TOP1MT: variants seen among roughly 807,000 people sequenced by gnomAD.
TOP1MT encodes the protein DNA topoisomerase I, mitochondrial.
In TOP1MT, 80 loss-of-function variants were observed where a neutral mutation model predicts 73.9. That is an observed-to-expected ratio of 1.08 (90% CI 0.90 to 1.30). The LOEUF (loss-of-function observed/expected upper bound fraction) is 1.30, where lower values mean the gene tolerates loss of function less well. Ranked by LOEUF, TOP1MT falls within the 50% of genes most tolerant of loss-of-function variation. The pLI is 0.00. For synonymous variants in TOP1MT, 338 were observed against 326.4 expected (o/e 1.04, Z -0.38); for missense variants, 815 against 808.0 (o/e 1.01, Z -0.10).
At chr8:143,331,373 G>T in intron 1 of TOP1MT, 34 bp from the exon 2 acceptor site, 1 of 1,573,642 alleles carries the variant, frequency 6.4e-7, no homozygotes. Flanking sequence ...CACTCTCCTG[G>T]GCCAGGCCCT....
At position 143,324,013 on chromosome 8, in the gene TOP1MT, A is replaced by G; in HGVS notation, c.946T>C (p.Tyr316His). Residue 316 changes from tyrosine (Y) to histidine (H), a missense_variant, in exon 7 of 14, where the codon TAT (tyrosine) becomes CAT (histidine). Physicochemically the swap from Tyr to His is moderately conservative, Grantham distance 83 (BLOSUM62 2). Transcript: ENST00000329245. ...AGGCCGCATACCTTATCGATGAAAT[A>G]CAGGGCCACCGCCCGCTGTCTCGTC... ...MKTRQRAVAL[Y>H]FIDKLALRAG... 2 of 1,613,794 alleles carry G rather than the reference A, an allele frequency of 1.2e-6. No individual in the cohort carries two copies. The highest frequency in any genetic ancestry group is 1.1e-5 in the South Asian group (1 of 91,090).
chr8:143,324,102 A>G lies in TOP1MT; in HGVS notation c.857T>C (p.Leu286Pro). ...AWQKFETARR[L>P]RGFVDEIRSQ... ...GCGGATCTCGTCCACAAATCCCCGC[A>G]GGCGTCGAGCTGTTTCAAACTTCTG... Residue 286 changes from leucine (L) to proline (P), a missense_variant, in exon 7 of 14, where the codon CTG becomes CCG. Physicochemically the swap from Leu to Pro is moderately conservative, Grantham distance 98. This residue lies in a region of TOP1MT where 751 missense variants were observed against 725.4 expected (regional missense o/e 1.04). Coordinates refer to ENST00000329245, the MANE Select transcript of TOP1MT (RefSeq NM_052963.3). 6.2e-7 allele frequency: 1 copy of G among 1,613,818 alleles called. No individual in the cohort carries two copies. The highest frequency in any genetic ancestry group is 8.5e-7 in the Non-Finnish European group (1 of 1,180,024).
At chr8:143,309,673 C>A in intron 13 of TOP1MT, 130 bp from the exon 14 acceptor site, 1 of 1,525,692 alleles carries the variant, frequency 6.6e-7, no homozygotes, top group South Asian at 1.2e-5. Context: ...TAGCTGGGAC[C>A]TGCTCCTCTA....
intron 7 of TOP1MT, among the ~76,000 whole-genome samples, chr8:143,321,630 A>ACGCACGCCACACGCACGCACGC (rs1328074677): frequency 2.6e-5 from 1 of 38,152 alleles, no homozygotes; most frequent in Admixed American, 4.6e-4. Context: ...CGCACGCCAC[A>ACGCACGCCACACGCACGCACGC]CACAGGCACG....
In TOP1MT at chr8:143,325,320, C is replaced by T. The variant is rs111874912; in HGVS notation, c.671+26G>A. The T allele has an allele frequency of 2.2e-3, 3,446 of 1,571,156 alleles. 60 individuals carry two copies. The African/African-American group carries it at 0.029, about 13-fold the overall frequency. On this transcript the variant is annotated intron_variant, in intron 5 of 13. Transcript: ENST00000329245. ...ACCCGGGTGGCGGGGGTCCAGTGCC[C>T]GCCTGCTGCCCGCCCGGCCACGCAC...
upstream of TOP1MT, chr8:143,359,732 ACACGGAGGAGT>A (rs1817472451): frequency 1.3e-5 from 2 of 153,034 alleles, no homozygotes; most frequent in Middle Eastern, 3.4e-3. Flanking sequence ...AGGGGGAGGT[ACACGGAGGAGT>A]CGCGGAGAGG....
At chr8:143,334,655 C>A in intron 1 of TOP1MT, 85 bp downstream of exon 1, 8 of 1,554,282 alleles carry the variant, frequency 5.1e-6, no homozygotes, top group Non-Finnish European at 7.0e-6. Context: ...GCAAGGCCGT[C>A]CCACGAGGCC....
At position 143,315,796 on chromosome 8, in the gene TOP1MT, G is replaced by A. The variant is rs762564569; in HGVS notation, c.1484C>T (p.Ala495Val). The change falls in exon 12 of 14, where the codon GCT becomes GTT. Residue 495 changes from alanine to valine, a missense_variant. Physicochemically the swap from Ala to Val is moderately conservative, Grantham distance 64. This residue lies in a region of TOP1MT where 751 missense variants were observed against 725.4 expected (regional missense o/e 1.04). Transcript: ENST00000329245. The stretch of plus-strand genomic sequence containing the variant: ...CCTCCTCAGCTCTGCCCTGGCCTCA[G>A]CCACCTGCTCCTTCTTTGCCTGGAT... ...TKIQAKKEQV[A>V]EARAELRRAR... 2 of 1,613,690 alleles carry A rather than the reference G, an allele frequency of 1.2e-6. No individual in the cohort carries two copies. Among genetic ancestry groups the A allele is most frequent in the African/African-American group, 1.3e-5 (1 of 74,904 alleles).
Position 143,315,808 on chromosome 8 carries a change from T to C in TOP1MT, c.1472A>G (p.Lys491Arg). ...TGCCCTGGCCTCAGCCACCTGCTCC[T>C]TCTTTGCCTGGATCTGCAGGAAAAG... ...QNLQTKIQAK[K>R]EQVAEARAEL... The change falls in exon 12 of 14, where the codon AAG becomes AGG. Residue 491 changes from lysine to arginine, a missense_variant. Lys to Arg is a conservative substitution (Grantham distance 26). Coordinates refer to ENST00000329245, the MANE Select transcript of TOP1MT (RefSeq NM_052963.3). 1 of 1,613,794 alleles carries C rather than the reference T, an allele frequency of 6.2e-7. No individual in the cohort carries two copies. Among genetic ancestry groups the C allele is most frequent in the Non-Finnish European group, 8.5e-7 (1 of 1,180,016 alleles).
In TOP1MT at chr8:143,310,206, T is replaced by C; in HGVS notation, c.1565A>G (p.Lys522Arg). 2 of 1,573,092 alleles carry C rather than the reference T, an allele frequency of 1.3e-6. No individual in the cohort carries two copies. The highest frequency in any genetic ancestry group is 1.7e-6 in the Non-Finnish European group (2 of 1,160,586). Residue 522 changes from lysine (K) to arginine (R), a missense_variant, in exon 13 of 14, where the codon AAG becomes AGG. Transcript: ENST00000329245. ...CAGCTTCTCCAGGAGCCGCCTCTTC[T>C]TCTCCAGGACACTGGCAAGAGAAGA... The part of the protein sequence containing the change: ...GDGKSRSVLE[K>R]KRRLLEKLQE...
intron 10 of TOP1MT, 62 bp from the exon 11 acceptor site, chr8:143,316,188 T>C: frequency 1.9e-6 from 3 of 1,610,948 alleles, no homozygotes; most frequent in Non-Finnish European, 2.5e-6. Flanking sequence ...CTGTCTGCCC[T>C]GAGCCGGCCT....
chr8:143,331,482 G>A, intron 1 of TOP1MT, 143 bp from the exon 2 acceptor site: 1 of 607,478 alleles, frequency 1.6e-6, no homozygotes, highest in Non-Finnish European at 2.8e-6. Flanking sequence ...AACAAGGCCT[G>A]CAGAGGGAGG....
intron 10 of TOP1MT, 66 bp downstream of exon 10, chr8:143,317,657 G>T: frequency 6.9e-7 from 1 of 1,439,454 alleles, no homozygotes; most frequent in South Asian, 1.2e-5. Flanking sequence ...GGGCCAGCCG[G>T]GGAGCCCGGT....
intron 2 of TOP1MT, among the ~76,000 whole-genome samples, chr8:143,330,622 C>T (rs1816827373): frequency 6.6e-6 from 1 of 152,198 alleles, no homozygotes; most frequent in Admixed American, 6.5e-5. Flanking sequence ...GTTTGCTTTT[C>T]TTAGAAGGAT....
At chr8:143,337,822 GTAGT>G (rs1817007866), upstream of TOP1MT, among the ~76,000 whole-genome samples, 1 of 152,332 alleles carries the variant, frequency 6.6e-6, no homozygotes, top group Admixed American at 6.5e-5. Flanking sequence ...CCCAGGCCTG[GTAGT>G]TAAAGATCGG....
At chr8:143,326,443 T>C in intron 3 of TOP1MT, 99 bp from the exon 4 acceptor site, 1 of 1,535,716 alleles carries the variant, frequency 6.5e-7, no homozygotes, top group Non-Finnish European at 8.9e-7. Context: ...TCTCGCCATG[T>C]CCGACGGAGG....
Position 143,329,397 on chromosome 8 carries a change from T to C in TOP1MT, c.313A>G (p.Thr105Ala). 1 of 1,610,300 alleles carries C rather than the reference T, an allele frequency of 6.2e-7. No homozygotes were observed. Among genetic ancestry groups the C allele is most frequent in the South Asian group, 1.1e-5 (1 of 90,430 alleles). Residue 105 changes from threonine (T) to alanine (A), a missense_variant, in exon 3 of 14, where the codon ACA becomes GCA. Physicochemically the swap from Thr to Ala is moderately conservative, Grantham distance 58 (BLOSUM62 0). Coordinates refer to ENST00000329245, the MANE Select transcript of TOP1MT (RefSeq NM_052963.3). ...TTCTTCCGGAAAACCTCCTTTGTTG[T>C]GTATTCATGATCTAACATCCTCCCA... is the stretch of plus-strand genomic sequence containing the variant. ...FYGRMLDHEYTTKEVFRKNFF... is the reference protein window; with the variant it reads ...FYGRMLDHEYATKEVFRKNFF...
rs776130476 is a variant in TOP1MT, at chr8:143,316,079, G to A, written c.1378C>T (p.Arg460Ter). 42 of 1,614,050 alleles carry A rather than the reference G, an allele frequency of 2.6e-5. 1 individual carries two copies. The highest frequency in any genetic ancestry group is 1.6e-4 in the Middle Eastern group (1 of 6,084). Residue 460 changes from arginine to a stop codon, truncating the protein, a stop_gained, in exon 11 of 14, where the codon CGA becomes TGA. Transcript: ENST00000329245. LOFTEE classifies it high-confidence loss of function. The part of the protein sequence containing the change: ...AKILSYNRAN[R>*]VVAILCNHQR... Reference sequence around the variant, plus strand: ...TGGTTGCAGAGAATGGCCACGACTCGGTTGGCTCGGTTGTAGGATAAGATC... The same window carrying A: ...TGGTTGCAGAGAATGGCCACGACTCAGTTGGCTCGGTTGTAGGATAAGATC...
Position 143,316,137 on chromosome 8 carries a change from C to T in TOP1MT, c.1331-11G>A, listed in dbSNP as rs780828575. 33 of 1,613,858 alleles carry T rather than the reference C, an allele frequency of 2.0e-5. No individual in the cohort carries two copies. The highest frequency in any genetic ancestry group is 3.3e-5 in the Admixed American group (2 of 60,010). On this transcript the variant is annotated splice_polypyrimidine_tract_variant and intron_variant, in intron 10 of 13. Transcript: ENST00000329245. ...CTATGCTGTCCTCGGCTGAGAGGCA[C>T]GGGCTGTCAGAGGCAGCACCCACGG...
Sources: gnomAD v4.1 joint callset for allele counts (sites outside exome capture counted in the v4.1 genomes callset) on GRCh38, gnomAD v4.1.1 for gene constraint, gnomAD v4.1.1 regional missense constraint, MANE v1.5 for transcripts, NCBI Gene and HGNC (gene_info 2026-07-23, HGNC 2026-07-21) for gene names.